LRRC56: variants seen among roughly 807,000 people sequenced by gnomAD.
LRRC56 encodes the protein leucine-rich repeat-containing protein 56.
A neutral mutation model predicts 47.8 loss-of-function variants in LRRC56; 41 were observed. That is an observed-to-expected ratio of 0.86 (90% CI 0.67 to 1.11). LRRC56 has a LOEUF of 1.11. LRRC56 is among the 50% of genes most tolerant of loss of function. The pLI, the probability that LRRC56 is intolerant of heterozygous loss-of-function variation, is 0.00. For missense variants in LRRC56, 759 were observed against 704.2 expected, an observed-to-expected ratio of 1.08 and a Z score of -0.88; for synonymous variants, 387 against 311.2, an observed-to-expected ratio of 1.24 and a Z score of -2.56.
chr11:522,130 G>A, the LRRC56 span, among the ~76,000 whole-genome samples: 4 of 152,014 alleles, frequency 2.6e-5, no homozygotes, highest in Non-Finnish European at 5.9e-5. Context: ...ATGCAGGCTG[G>A]AGTGCAGTGG....
the LRRC56 span, among the ~76,000 whole-genome samples, chr11:513,820 CAAAA>C: frequency 2.1e-5 from 2 of 96,216 alleles, no homozygotes; most frequent in Non-Finnish European, 4.3e-5. Context: ...AACTCCATCT[CAAAA>C]AAAAAAAAAA....
the LRRC56 span, among the ~76,000 whole-genome samples, chr11:515,160 G>T: frequency 6.6e-6 from 1 of 152,150 alleles, no homozygotes; most frequent in African/African-American, 2.4e-5. Flanking sequence ...TGTGGGGAGG[G>T]TCAGGTCTGT....
upstream of LRRC56, chr11:533,390 C>T: frequency 2.5e-6 from 4 of 1,608,236 alleles, no homozygotes; most frequent in Non-Finnish European, 3.4e-6. Context: ...GTGAGTGCTG[C>T]TCCCTGGCTG....
In LRRC56 at chr11:544,789, C is replaced by T. The variant is rs1851989314; in HGVS notation, c.326+9C>T. The T allele has an allele frequency of 6.2e-7, 1 of 1,602,142 alleles. No homozygotes were observed. Among genetic ancestry groups the T allele is most frequent in the African/African-American group, 1.4e-5 (1 of 71,408 alleles). On this transcript the variant is annotated intron_variant, in intron 6 of 13. Coordinates refer to ENST00000270115, the MANE Select transcript of LRRC56 (RefSeq NM_198075.4). ...CACCTGGGCTCCCTGAGGTGAGCGC[C>T]TGAGGGGGGTGGGCTGGGGCCCTGC...
upstream of LRRC56, chr11:533,146 G>A (rs573350498): frequency 2.3e-5 from 19 of 833,710 alleles, no homozygotes; most frequent in Middle Eastern, 3.6e-4. Context: ...TCACCGCTCC[G>A]GCCTGGCTCA....
the LRRC56 span, among the ~76,000 whole-genome samples, chr11:522,063 G>A: frequency 6.6e-6 from 1 of 152,104 alleles, no homozygotes; most frequent in Non-Finnish European, 1.5e-5. Flanking sequence ...TACATTAAAT[G>A]CAAATGGTCC....
the LRRC56 span, among the ~76,000 whole-genome samples, chr11:530,011 T>G: frequency 2.6e-5 from 4 of 152,164 alleles, no homozygotes; most frequent in Admixed American, 1.3e-4. Flanking sequence ...GTGGCTGGCC[T>G]GTCCCCAGAT....
chr11:550,039 C>T (rs1589815806), intron 7 of LRRC56, 33 bp from the exon 8 acceptor site: 3 of 1,611,362 alleles, frequency 1.9e-6, no homozygotes, highest in East Asian at 4.5e-5. Flanking sequence ...CTGGGCTGGG[C>T]CGGGCCCTGG....
Position 552,692 on chromosome 11 carries a change from C to A in LRRC56, c.1305C>A (p.Ser435Arg). The change falls in exon 13 of 14, where the codon AGC (serine) becomes AGA (arginine). Residue 435 changes from serine to arginine, a missense_variant. Transcript: ENST00000270115. ...CCAAGACTCCCTCCAGCCCCCCAAG[C>A]CTGGCCTCAGGTACTGAGCCTGCCC... Reference protein sequence around the residue: ...AEPKTPSSPPSLASEPSGTSS... With the variant: ...AEPKTPSSPPRLASEPSGTSS... The A allele has an allele frequency of 6.2e-7, 1 of 1,606,516 alleles. No homozygotes were observed. Among genetic ancestry groups the A allele is most frequent in the Non-Finnish European group, 8.5e-7 (1 of 1,176,570 alleles).
Position 541,908 on chromosome 11 carries a change from CCGG to C in LRRC56, c.265+286_265+288del, listed in dbSNP as rs1296774024. The stretch of plus-strand genomic sequence containing the variant: ...ACCCCACACACCCACGCCAGTACCC[CCGG>C]CACGCTCAGTACCCCACACACCCAC... On this transcript the variant is annotated intron_variant, in intron 5 of 13. Coordinates refer to ENST00000270115, the MANE Select transcript of LRRC56 (RefSeq NM_198075.4). This position sits in a 1 kb window ranked among gnomAD's most constrained non-coding sequence, Gnocchi z 4.1. 6.5e-4 allele frequency among the ~76,000 whole-genome samples: 75 copies of C among 115,740 alleles called. 22 individuals carry two copies. The highest frequency in any genetic ancestry group is 1.1e-3 in the Admixed American group (13 of 11,630). The allele number at this position is 115,740 out of a possible 152,430, so 75.9% of individuals were successfully genotyped here. A position where few individuals can be genotyped will look rare whatever the true frequency, so the allele number is the denominator to read the frequency against.
At chr11:511,766 T>C in the LRRC56 span, among the ~76,000 whole-genome samples, 5 of 152,138 alleles carry the variant, frequency 3.3e-5, no homozygotes, top group African/African-American at 9.7e-5. Flanking sequence ...TGCACGGAGA[T>C]GCTGTGAGAA....
intron 6 of LRRC56, among the ~76,000 whole-genome samples, chr11:546,645 G>A (rs1852098205): frequency 6.6e-6 from 1 of 152,158 alleles, no homozygotes; most frequent in Non-Finnish European, 1.5e-5. Flanking sequence ...ACAGTGGGCA[G>A]CCCACAGAAC....
Position 554,217 on chromosome 11 carries a change from G to A in LRRC56, c.1570G>A (p.Ala524Thr). 1 of 1,526,792 alleles carries A rather than the reference G, an allele frequency of 6.5e-7. No homozygotes were observed. Among genetic ancestry groups the A allele is most frequent in the Non-Finnish European group, 8.8e-7 (1 of 1,139,314 alleles). The allele number at this position is 1,526,792 out of a possible 1,614,324, so 94.6% of individuals were successfully genotyped here. A position where few individuals can be genotyped will look rare whatever the true frequency, so the allele number is the denominator to read the frequency against. The part of the protein sequence containing the change: ...GCPGPKPAPD[A>T]AARPPRAAEL... ...TCCTGGCCCAAAGCCAGCACCAGAT[G>A]CAGCAGCTAGACCTCCCAGGGCAGC... The change falls in exon 14 of 14, where the codon GCA (alanine) becomes ACA (threonine). Residue 524 changes from alanine to threonine, a missense_variant. Physicochemically the swap from Ala to Thr is moderately conservative, Grantham distance 58 (BLOSUM62 0). Transcript: ENST00000270115.
the LRRC56 span, among the ~76,000 whole-genome samples, chr11:524,152 G>A: frequency 2.0e-5 from 3 of 151,954 alleles, no homozygotes; most frequent in African/African-American, 7.3e-5. Flanking sequence ...CACCACACGT[G>A]GAAAAATGAA....
At chr11:550,805 C>T (rs1852344032) in intron 8 of LRRC56, among the ~76,000 whole-genome samples, 1 of 152,130 alleles carries the variant, frequency 6.6e-6, no homozygotes, top group Non-Finnish European at 1.5e-5. Flanking sequence ...ATGCTGAGGT[C>T]AGCGTCTACC....
At chr11:514,286 C>A in the LRRC56 span, among the ~76,000 whole-genome samples, 2 of 151,244 alleles carry the variant, frequency 1.3e-5, no homozygotes, top group African/African-American at 4.9e-5. Context: ...GAGCCACCAC[C>A]CCCAGCCATT....
At chr11:546,061 A>T (rs1291988310) in intron 6 of LRRC56, among the ~76,000 whole-genome samples, 1 of 152,086 alleles carries the variant, frequency 6.6e-6, no homozygotes, top group Non-Finnish European at 1.5e-5. Flanking sequence ...ACCTGAGGTC[A>T]GGAGTTCGAG....
At chr11:531,211 T>C in the LRRC56 span, among the ~76,000 whole-genome samples, 7 of 149,812 alleles carry the variant, frequency 4.7e-5, no homozygotes, top group African/African-American at 7.5e-5. Flanking sequence ...GCGAGTGTGG[T>C]ATTCCCTGGA....
chr11:539,142 G>A (rs1388657926), intron 2 of LRRC56, among the ~76,000 whole-genome samples: 2 of 152,196 alleles, frequency 1.3e-5, no homozygotes, highest in African/African-American at 2.4e-5. Flanking sequence ...GTGCAGTGGT[G>A]CCATCTTGGC....
Sources: gnomAD v4.1 joint callset for allele counts (sites outside exome capture counted in the v4.1 genomes callset) on GRCh38, gnomAD v4.1.1 for gene constraint, Gnocchi (gnomAD v3.1) non-coding constraint, MANE v1.5 for transcripts, NCBI Gene and HGNC (gene_info 2026-07-23, HGNC 2026-07-21) for gene names.